The following INSL6 variants were observed in gnomAD, a reference collection of about 807,000 sequenced individuals.
The protein encoded by INSL6 is insulin like 6.
Under a neutral mutation model 9.4 loss-of-function variants are expected in INSL6, and 16 were observed. The observed-to-expected ratio is 1.70, with a 90% CI of 1.15 to 2.59. The LOEUF (loss-of-function observed/expected upper bound fraction) is 2.59, where lower values mean the gene tolerates loss of function less well. Ranked by LOEUF, INSL6 falls within the 30% of genes most tolerant of loss-of-function variation. The pLI, the probability that INSL6 is intolerant of heterozygous loss-of-function variation, is 0.00. For synonymous variants in INSL6, 154 were observed against 96.9 expected, an observed-to-expected ratio of 1.59 and a Z score of -3.46; for missense variants, 391 against 257.3, an observed-to-expected ratio of 1.52 and a Z score of -3.56.
At chr9:5,106,850 G>A in the INSL6 span, among the ~76,000 whole-genome samples, 4 of 152,138 alleles carry the variant, frequency 2.6e-5, no homozygotes, top group Admixed American at 6.5e-5. Context: ...GTTGAACAAT[G>A]AGAACACTTG....
the INSL6 span, among the ~76,000 whole-genome samples, chr9:5,067,455 A>G: frequency 6.6e-6 from 1 of 152,112 alleles, no homozygotes; most frequent in African/African-American, 2.4e-5. Context: ...ACAGAGAAAA[A>G]TAAGAACTTT....
At chr9:5,109,426 T>G in the INSL6 span, 1 of 152,146 alleles carries the variant, frequency 6.6e-6, no homozygotes, top group African/African-American at 2.4e-5. Flanking sequence ...TTCTCAACTT[T>G]TAAAGGATTG....
chr9:5,144,610 C>A (rs1404588268), intron 2 of INSL6, among the ~76,000 whole-genome samples: 1 of 152,080 alleles, frequency 6.6e-6, no homozygotes, highest in Non-Finnish European at 1.5e-5. Flanking sequence ...GTGTGGCGGT[C>A]TAAGTCTCTT....
chr9:5,087,180 A>G, the INSL6 span, among the ~76,000 whole-genome samples: 2 of 152,212 alleles, frequency 1.3e-5, no homozygotes, highest in African/African-American at 4.8e-5. Context: ...TTTATAAAGG[A>G]AAGAGGTTTA....
chr9:5,136,775 A>G (rs1179253449), intron 2 of INSL6, among the ~76,000 whole-genome samples: 1 of 152,214 alleles, frequency 6.6e-6, no homozygotes, highest in Non-Finnish European at 1.5e-5. Flanking sequence ...GGCCAGGGCA[A>G]TCAGGCAAGA....
At chr9:5,179,538 T>G (rs572917658) in intron 1 of INSL6, among the ~76,000 whole-genome samples, 15 of 152,308 alleles carry the variant, frequency 9.8e-5, no homozygotes, top group South Asian at 8.3e-4. Context: ...TAAAGATACA[T>G]GCAAGCATAT....
At chr9:5,103,692 A>G in the INSL6 span, among the ~76,000 whole-genome samples, 6 of 152,216 alleles carry the variant, frequency 3.9e-5, no homozygotes, top group Non-Finnish European at 8.8e-5. Context: ...CCAAACGTAA[A>G]AGAACAGATA....
the INSL6 span, chr9:5,112,072 A>G: frequency 2.6e-6 from 1 of 389,508 alleles, no homozygotes; most frequent in South Asian, 1.9e-5. Flanking sequence ...CACGGCCTGG[A>G]GAGTAAGATA....
the INSL6 span, among the ~76,000 whole-genome samples, chr9:5,010,394 C>T: frequency 4.6e-5 from 7 of 151,992 alleles, no homozygotes; most frequent in Admixed American, 2.6e-4. Context: ...ACATGACCTC[C>T]GTTGCAACCT....
the INSL6 span, chr9:5,070,051 T>G: frequency 7.5e-6 from 12 of 1,596,878 alleles, no homozygotes; most frequent in South Asian, 6.8e-5. Flanking sequence ...GATTTGATAT[T>G]TGTAAGTCAT....
chr9:5,072,412 T>A, the INSL6 span: 60 of 1,056,084 alleles, frequency 5.7e-5, no homozygotes, highest in South Asian at 1.4e-3. Context: ...AAAAAATTCT[T>A]CCTCATTGAA....
At chr9:5,176,428 T>C (rs1210026940) in intron 1 of INSL6, among the ~76,000 whole-genome samples, 4 of 152,242 alleles carry the variant, frequency 2.6e-5, no homozygotes, top group African/African-American at 9.6e-5. Flanking sequence ...TTGATCTTTG[T>C]CTGTTTTGTC....
chr9:5,111,804 C>T, the INSL6 span: 1 of 422,830 alleles, frequency 2.4e-6, no homozygotes, highest in East Asian at 6.5e-5. Flanking sequence ...GCCCCCGGAG[C>T]CACGTAGGCG....
At chr9:5,083,292 G>A in the INSL6 span, among the ~76,000 whole-genome samples, 1 of 152,148 alleles carries the variant, frequency 6.6e-6, no homozygotes. Flanking sequence ...ACACAGTCAT[G>A]TATAACCTAC....
At chr9:5,084,832 AAG>A in the INSL6 span, among the ~76,000 whole-genome samples, 114 of 152,356 alleles carry the variant, frequency 7.5e-4, 1 homozygote, top group Admixed American at 1.6e-3. Flanking sequence ...TACATTTAAA[AAG>A]TTTTCTGAAA....
the INSL6 span, among the ~76,000 whole-genome samples, chr9:5,103,598 C>T: frequency 6.6e-6 from 1 of 152,132 alleles, no homozygotes; most frequent in African/African-American, 2.4e-5. Context: ...AACCCTCCAC[C>T]CCAAATCAAC....
the INSL6 span, chr9:5,022,239 C>T: frequency 6.6e-7 from 1 of 1,505,530 alleles, no homozygotes; most frequent in Non-Finnish European, 9.2e-7. Flanking sequence ...CAGCATTTTC[C>T]TTTTTATGCA....
At chr9:5,156,101 T>C (rs901756155) in intron 2 of INSL6, among the ~76,000 whole-genome samples, 2 of 151,764 alleles carry the variant, frequency 1.3e-5, no homozygotes, top group African/African-American at 4.8e-5. Context: ...CCAATAAATA[T>C]GACTAAGAAC....
chr9:5,113,437 A>T, the INSL6 span: 4 of 149,198 alleles, frequency 2.7e-5, no homozygotes, highest in South Asian at 2.1e-4. Flanking sequence ...AAAAAAAAAA[A>T]AAAAAAAAAA....
Sources: gnomAD v4.1 joint callset for allele counts (sites outside exome capture counted in the v4.1 genomes callset) on GRCh38, gnomAD v4.1.1 for gene constraint, MANE v1.5 for transcripts, NCBI Gene and HGNC (gene_info 2026-07-23, HGNC 2026-07-21) for gene names.